TAOK3: variants seen among roughly 807,000 people sequenced by gnomAD.
The protein encoded by TAOK3 is TAO kinase 3.
A neutral mutation model predicts 120.4 loss-of-function variants in TAOK3; 40 were observed. The ratio of observed to expected loss-of-function variants is 0.33; its 90% CI spans 0.26 to 0.43. The LOEUF is 0.43. Among genes scored for constraint, TAOK3 ranks in the 20% least tolerant of loss-of-function variants. The pLI is 1.00. For missense variants in TAOK3, 821 were observed against 1,112.1 expected (o/e 0.74, Z 3.72); for synonymous variants, 355 against 387.5 (o/e 0.92, Z 0.99).
In TAOK3 at chr12:118,363,727, A is replaced by AGTGTGTGT. The variant is rs552898130; in HGVS notation, c.-194+8913_-194+8920dup. ...TTAAGAAGACCAGTCTGGTCAAGGCAGTGTGTGTGTGTGTGTGTGTGTGTG... is the reference window on the plus strand; with the variant it reads ...TTAAGAAGACCAGTCTGGTCAAGGCAGTGTGTGTGTGTGTGTGTGTGTGTGTGTGTGTG... On this transcript the variant is annotated intron_variant, in intron 1 of 20. Coordinates refer to ENST00000392533, the MANE Select transcript of TAOK3 (RefSeq NM_016281.4). 2.7e-3 allele frequency among the ~76,000 whole-genome samples: 401 copies of AGTGTGTGT among 147,468 alleles called. 5 individuals are homozygous for AGTGTGTGT. The highest frequency in any genetic ancestry group is 0.014 in the South Asian group (64 of 4,466).
At chr12:118,369,240 AT>A (rs1440086515) in intron 1 of TAOK3, among the ~76,000 whole-genome samples, 1 of 152,172 alleles carries the variant, frequency 6.6e-6, no homozygotes, top group East Asian at 1.9e-4. Flanking sequence ...ATGATTTCAT[AT>A]ATTTATAGCT....
intron 3 of TAOK3, among the ~76,000 whole-genome samples, chr12:118,253,927 T>C (rs1021642254): frequency 3.3e-5 from 5 of 152,028 alleles, no homozygotes; most frequent in Admixed American, 3.3e-4. Context: ...CACATGCCTG[T>C]AATCCCAGCT....
chr12:118,298,377 G>A (rs770274616), intron 1 of TAOK3, among the ~76,000 whole-genome samples: 5 of 152,042 alleles, frequency 3.3e-5, no homozygotes, highest in Non-Finnish European at 5.9e-5. Flanking sequence ...GCTGGTCCAC[G>A]GACTATACTG....
At chr12:118,256,831 T>C (rs964805087) in intron 2 of TAOK3, among the ~76,000 whole-genome samples, 5 of 152,202 alleles carry the variant, frequency 3.3e-5, no homozygotes, top group Admixed American at 3.3e-4. Context: ...AAATTGACTG[T>C]GGTGATGACT....
At chr12:118,186,017 C>T (rs1469259718) in intron 14 of TAOK3, among the ~76,000 whole-genome samples, 1 of 152,148 alleles carries the variant, frequency 6.6e-6, no homozygotes, top group Non-Finnish European at 1.5e-5. Context: ...TGCTGAGGCT[C>T]TCATATTTTT....
In TAOK3 at chr12:118,255,646, T is replaced by C. The variant is rs1044499343; in HGVS notation, c.-79A>G. On this transcript the variant is annotated 5_prime_UTR_variant, in exon 3 of 21. Coordinates refer to ENST00000392533, the MANE Select transcript of TAOK3 (RefSeq NM_016281.4). ...TTGACAATTTTTTTTGGGGGGTAAA[T>C]CTTCAGTACCTGTAGAAAAATAAGG... 3.5e-6 allele frequency: 5 copies of C among 1,423,770 alleles called. No homozygotes were observed. The highest frequency in any genetic ancestry group is 1.4e-5 in the South Asian group (1 of 72,176). 88.2% of individuals were successfully genotyped at this position (1,423,770 alleles called of 1,614,324 possible). A position where few individuals can be genotyped will look rare whatever the true frequency, so the allele number is the denominator to read the frequency against.
intron 13 of TAOK3, among the ~76,000 whole-genome samples, chr12:118,193,194 C>A (rs780269280): frequency 1.3e-5 from 2 of 151,306 alleles, no homozygotes; most frequent in Admixed American, 1.3e-4. Context: ...ACTACAGGTG[C>A]GTACCACCAT....
chr12:118,284,273 G>C (rs1391933640), intron 1 of TAOK3, among the ~76,000 whole-genome samples: 6 of 152,246 alleles, frequency 3.9e-5, no homozygotes, highest in Non-Finnish European at 1.5e-5. Context: ...CTAGAGCAGG[G>C]AGGTCAGGTT....
chr12:118,363,753 T>TGA (rs767321622), intron 1 of TAOK3, among the ~76,000 whole-genome samples: 32 of 147,956 alleles, frequency 2.2e-4, no homozygotes, highest in African/African-American at 3.8e-4. Context: ...TGTGTGTGTG[T>TGA]GTGAGAGAGA....
chr12:118,238,834 G>A (rs2040126949), intron 6 of TAOK3, among the ~76,000 whole-genome samples: 1 of 151,984 alleles, frequency 6.6e-6, no homozygotes, highest in African/African-American at 2.4e-5. Context: ...TTTTAACACA[G>A]CCTCTGGTTA....
intron 14 of TAOK3, among the ~76,000 whole-genome samples, chr12:118,185,933 A>G (rs963280264): frequency 6.6e-6 from 1 of 152,244 alleles, no homozygotes; most frequent in African/African-American, 2.4e-5. Context: ...TTTGATAAGC[A>G]TCCTCTGGTA....
chr12:118,256,387 G>A (rs1051226713), intron 2 of TAOK3, among the ~76,000 whole-genome samples: 2 of 152,132 alleles, frequency 1.3e-5, no homozygotes, highest in Non-Finnish European at 2.9e-5. Context: ...TTGACCCAGA[G>A]TTTCCACTTC....
At chr12:118,246,843 G>A (rs1005066670) in intron 3 of TAOK3, 3 of 1,299,192 alleles carry the variant, frequency 2.3e-6, no homozygotes, top group East Asian at 2.3e-5. Context: ...CCTGACCCCC[G>A]ACCTCTGGAA....
intron 1 of TAOK3, among the ~76,000 whole-genome samples, chr12:118,307,576 T>C (rs575931815): frequency 1.3e-3 from 202 of 152,314 alleles, no homozygotes; most frequent in Non-Finnish European, 2.3e-3. Flanking sequence ...GCTGTGTATG[T>C]ATAAGTGTTT....
intron 1 of TAOK3, among the ~76,000 whole-genome samples, chr12:118,333,689 A>T (rs1436771181): frequency 6.6e-6 from 1 of 152,036 alleles, no homozygotes; most frequent in African/African-American, 2.4e-5. Context: ...AATGAAATCA[A>T]AACTAGTTAT....
intron 11 of TAOK3, among the ~76,000 whole-genome samples, chr12:118,211,982 A>G (rs1320535309): frequency 6.6e-6 from 1 of 152,222 alleles, no homozygotes; most frequent in Non-Finnish European, 1.5e-5. Flanking sequence ...GCTCCACAAC[A>G]AAGGAGAACA....
At chr12:118,316,867 T>C (rs2043483973) in intron 1 of TAOK3, among the ~76,000 whole-genome samples, 1 of 152,110 alleles carries the variant, frequency 6.6e-6, no homozygotes. Flanking sequence ...AAAAGGAAAT[T>C]AAGAAAACAA....
rs1275377760 is a variant in TAOK3, at chr12:118,151,056, G to A, written c.2638C>T (p.Leu880Phe). 6.2e-7 allele frequency: 1 copy of A among 1,611,396 alleles called. No individual in the cohort carries two copies. The highest frequency in any genetic ancestry group is 2.2e-5 in the East Asian group (1 of 44,780). The change falls in exon 21 of 21, where the codon CTC becomes TTC. Residue 880 changes from leucine (L) to phenylalanine (F), a missense_variant. By Grantham distance (22) the Leu-to-Phe change is conservative. Coordinates refer to ENST00000392533, the MANE Select transcript of TAOK3 (RefSeq NM_016281.4). ...ACCAAATTCCCAAATCCCATTCTGA[G>A]GCTCTCCATGTCAAAAGTTTCAATC... ...REIETFDMES[L>F]RMGFGNLVTL...
intron 14 of TAOK3, among the ~76,000 whole-genome samples, chr12:118,187,629 C>A (rs75365541): frequency 0.032 from 4,839 of 152,040 alleles, 251 homozygotes; most frequent in East Asian, 0.23. Flanking sequence ...CCACTAGATA[C>A]AAATACCATT....
Sources: allele counts gnomAD v4.1 joint callset (sites outside exome capture counted in the v4.1 genomes callset), GRCh38; gene constraint gnomAD v4.1.1; transcripts MANE v1.5; gene names NCBI Gene and HGNC (gene_info 2026-07-23, HGNC 2026-07-21).